The following PLPBP variants were observed in gnomAD, a reference collection of about 807,000 sequenced individuals.
PLPBP encodes pyridoxal phosphate homeostasis protein.
PLPBP carries 21 observed loss-of-function variants against 31.2 expected under a neutral mutation model. The observed-to-expected ratio is 0.67, with a 90% confidence interval of 0.48 to 0.97. The LOEUF (loss-of-function observed/expected upper bound fraction) is 0.97, where lower values mean the gene tolerates loss of function less well. Among genes scored for constraint, PLPBP ranks in the 50% least tolerant of loss-of-function variants. The pLI, the probability that PLPBP is intolerant of heterozygous loss-of-function variation, is 0.00. For synonymous variants in PLPBP, 124 were observed against 135.6 expected (o/e 0.91, Z 0.59); for missense variants, 308 against 354.4 (o/e 0.87, Z 1.05).
Position 37,762,677 on chromosome 8 carries a change from C to T in PLPBP, c.18C>T (p.Ser6=). The T allele has an allele frequency of 1.9e-6, 3 of 1,587,140 alleles. No homozygotes were observed. The highest frequency in any genetic ancestry group is 2.6e-6 in the Non-Finnish European group (3 of 1,170,392). The stretch of plus-strand genomic sequence containing the variant: ...CCCGGGGGATGTGGAGAGCTGGCAG[C>T]ATGTCGGCCGAGCTGGGAGTCGGGT... MWRAG[S]MSAELGVGCA... The change falls in exon 1 of 8, where the codon AGC becomes AGT. Residue 6 remains serine (S), a synonymous_variant. Transcript: ENST00000328195.
At chr8:37,765,788 G>T in intron 3 of PLPBP, 42 bp downstream of exon 3, 1 of 1,597,826 alleles carries the variant, frequency 6.3e-7, no homozygotes, top group South Asian at 1.1e-5. Context: ...TCTAAATCTT[G>T]GCTCTTTAGT....
intron 4 of PLPBP, among the ~76,000 whole-genome samples, chr8:37,768,131 C>T (rs1803681999): frequency 6.6e-6 from 1 of 152,044 alleles, no homozygotes; most frequent in Admixed American, 6.6e-5. Flanking sequence ...TTAAACCAAC[C>T]CTGCACTCCT....
chr8:37,766,577 A>C, intron 4 of PLPBP: 2 of 1,167,856 alleles, frequency 1.7e-6, no homozygotes, highest in Non-Finnish European at 2.1e-6. Context: ...AACCTACCCA[A>C]CCTCATGTTT....
chr8:37,768,407 AAG>A (rs1253907208), intron 4 of PLPBP, among the ~76,000 whole-genome samples: 1 of 152,030 alleles, frequency 6.6e-6, no homozygotes, highest in Non-Finnish European at 1.5e-5. Flanking sequence ...TAAGTCAACA[AAG>A]GAGATATATT....
intron 4 of PLPBP, 159 bp downstream of exon 4, chr8:37,766,514 A>G: frequency 1.5e-6 from 2 of 1,300,392 alleles, no homozygotes; most frequent in African/African-American, 1.5e-5. Flanking sequence ...AAGAGAAAAC[A>G]TCATGCCAAG....
intron 7 of PLPBP, among the ~76,000 whole-genome samples, chr8:37,776,743 G>A (rs971527761): frequency 3.3e-5 from 5 of 152,042 alleles, no homozygotes; most frequent in Non-Finnish European, 4.4e-5. Context: ...AGCAAATCAC[G>A]ATGAAGCAGC....
Position 37,779,525 on chromosome 8 carries a change from G to C in PLPBP, c.*1421G>C, listed in dbSNP as rs199658841. 1 of 152,290 alleles carries C rather than the reference G, an allele frequency of 6.6e-6. No homozygotes were observed. The highest frequency in any genetic ancestry group is 1.5e-5 in the Non-Finnish European group (1 of 68,016). The allele number at this position is 152,290 out of a possible 1,614,324, so 9.4% of individuals were successfully genotyped here. A position where few individuals can be genotyped will look rare whatever the true frequency, so the allele number is the denominator to read the frequency against. ...ATGACAAATGGCTTCAGTATGGCTT[G>C]TTTTTTATTTTCCAGATGGCTTTTT... On this transcript the variant is annotated 3_prime_UTR_variant, in exon 8 of 8. Coordinates refer to ENST00000328195, the MANE Select transcript of PLPBP (RefSeq NM_007198.4).
intron 1 of PLPBP, among the ~76,000 whole-genome samples, chr8:37,763,105 C>T (rs1016657741): frequency 6.6e-6 from 1 of 152,216 alleles, no homozygotes; most frequent in East Asian, 1.9e-4. Context: ...TAAGGGGAGA[C>T]GGGGGTACAA....
intron 4 of PLPBP, chr8:37,766,769 C>T (rs1196066798): frequency 3.3e-6 from 2 of 606,912 alleles, no homozygotes; most frequent in Non-Finnish European, 2.1e-6. Context: ...GTAGGCCAGG[C>T]GCGGTGGCTG....
chr8:37,762,639 C>G, upstream of PLPBP: 1 of 1,558,002 alleles, frequency 6.4e-7, no homozygotes, highest in Non-Finnish European at 8.7e-7. Flanking sequence ...GGGCCTGGGG[C>G]TCGGCGTCGG....
Position 37,777,572 on chromosome 8 carries a change from G to GT in PLPBP, c.697-392dup, listed in dbSNP as rs566903629. ...ATTATTCATAGAAGGCTCTGTTTTT[G>GT]TTTTTTTTTGTTTTTTTTGAGATGG... On this transcript the variant is annotated intron_variant, in intron 7 of 7. Transcript: ENST00000328195. Among the ~76,000 whole-genome samples the GT allele has an allele frequency of 2.4e-3, 366 of 149,648 alleles. 2 individuals are homozygous for GT. The highest frequency in any genetic ancestry group is 3.2e-3 in the Non-Finnish European group (216 of 67,380).
intron 4 of PLPBP, among the ~76,000 whole-genome samples, chr8:37,768,462 T>G (rs1563324883): frequency 6.7e-6 from 1 of 150,292 alleles, no homozygotes; most frequent in Non-Finnish European, 1.5e-5. Context: ...CAGTTTTGAT[T>G]TTCTTTTTTT....
At chr8:37,764,937 G>T (rs147346395) in intron 1 of PLPBP, among the ~76,000 whole-genome samples, 1 of 152,308 alleles carries the variant, frequency 6.6e-6, no homozygotes, top group African/African-American at 2.4e-5. Flanking sequence ...TTGGGAGGCC[G>T]AAGTGGGCAG....
intron 4 of PLPBP, among the ~76,000 whole-genome samples, chr8:37,771,289 A>ATGGGATT (rs1803762132): frequency 6.6e-6 from 1 of 151,882 alleles, no homozygotes; most frequent in African/African-American, 2.4e-5. Context: ...GGCATGTGCC[A>ATGGGATT]CCAGGCCTGG....
In PLPBP at chr8:37,762,671, T is replaced by C. The variant is rs1211498956; in HGVS notation, c.12T>C (p.Ala4=). 2 of 1,584,774 alleles carry C rather than the reference T, an allele frequency of 1.3e-6. No homozygotes were observed. The highest frequency in any genetic ancestry group is 1.1e-5 in the South Asian group (1 of 87,288). MWR[A]GSMSAELGVG... ...TCGGTCCCCGGGGGATGTGGAGAGC[T>C]GGCAGCATGTCGGCCGAGCTGGGAG... The change falls in exon 1 of 8, where the codon GCT becomes GCC. Residue 4 remains alanine, a synonymous_variant. Transcript: ENST00000328195.
intron 4 of PLPBP, among the ~76,000 whole-genome samples, chr8:37,769,290 T>C (rs1287220343): frequency 6.6e-6 from 1 of 151,964 alleles, no homozygotes; most frequent in East Asian, 1.9e-4. Context: ...GAGCTGTGAT[T>C]GTGCCACTGC....
At chr8:37,766,012 A>G (rs1803618008) in intron 3 of PLPBP, among the ~76,000 whole-genome samples, 1 of 152,172 alleles carries the variant, frequency 6.6e-6, no homozygotes, top group South Asian at 2.1e-4. Flanking sequence ...TCTTTTCAAG[A>G]TTTGAAAGCT....
chr8:37,764,247 C>T (rs1404645364), intron 1 of PLPBP, among the ~76,000 whole-genome samples: 2 of 150,914 alleles, frequency 1.3e-5, no homozygotes, highest in East Asian at 3.9e-4. Flanking sequence ...GGATTACAGG[C>T]ACACACCACC....
intron 5 of PLPBP, among the ~76,000 whole-genome samples, chr8:37,773,103 T>C (rs1803817753): frequency 6.6e-6 from 1 of 152,202 alleles, no homozygotes; most frequent in Non-Finnish European, 1.5e-5. Flanking sequence ...TGGTTCATTA[T>C]ATCTTAATTT....
Sources: gnomAD v4.1 joint callset for allele counts (sites outside exome capture counted in the v4.1 genomes callset) on GRCh38, gnomAD v4.1.1 for gene constraint, MANE v1.5 for transcripts, NCBI Gene and HGNC (gene_info 2026-07-23, HGNC 2026-07-21) for gene names.